The following CACNA2D3 variants were observed in gnomAD, a reference collection of about 807,000 sequenced individuals.
CACNA2D3 encodes the protein calcium voltage-gated channel auxiliary subunit alpha2delta 3.
In CACNA2D3, 60 loss-of-function variants were observed where a neutral mutation model predicts 160.6. The ratio of observed to expected loss-of-function variants is 0.37; its 90% CI spans 0.30 to 0.46. The LOEUF is 0.46. CACNA2D3 is among the 20% of genes least tolerant of loss of function. The pLI is 1.00. For missense variants in CACNA2D3, 1,205 were observed against 1,365.0 expected (o/e 0.88, Z 1.85); for synonymous variants, 558 against 492.9 (o/e 1.13, Z -1.75).
At chr3:54,171,158 T>TTTTTTTTTTTTTA (rs1553743546) in intron 2 of CACNA2D3, among the ~76,000 whole-genome samples, 1 of 140,676 alleles carries the variant, frequency 7.1e-6, no homozygotes, top group Admixed American at 6.9e-5. Flanking sequence ...TTTTTTTTTT[T>TTTTTTTTTTTTTA]AGGAATAGCT....
At chr3:54,321,935 A>AAC (rs1553622174) in intron 3 of CACNA2D3, among the ~76,000 whole-genome samples, 1 of 152,072 alleles carries the variant, frequency 6.6e-6, no homozygotes, top group African/African-American at 2.4e-5. Flanking sequence ...AAAAAAAAAA[A>AAC]AAAAAAACTA....
intron 16 of CACNA2D3, among the ~76,000 whole-genome samples, chr3:54,843,905 G>C (rs1343030522): frequency 6.6e-6 from 1 of 152,178 alleles, no homozygotes; most frequent in African/African-American, 2.4e-5. Flanking sequence ...AGCTTTAGAA[G>C]AACTCCACTG....
chr3:54,607,657 C>A (rs957551629), intron 9 of CACNA2D3, among the ~76,000 whole-genome samples: 5 of 152,164 alleles, frequency 3.3e-5, no homozygotes, highest in African/African-American at 7.2e-5. Context: ...AACAGTTTGG[C>A]AATTTTCTCA....
intron 8 of CACNA2D3, among the ~76,000 whole-genome samples, chr3:54,570,729 G>T (rs1702482606): frequency 6.6e-6 from 1 of 152,126 alleles, no homozygotes; most frequent in African/African-American, 2.4e-5. Flanking sequence ...TGCTGAGATT[G>T]GAAGAGTGTC....
intron 4 of CACNA2D3, among the ~76,000 whole-genome samples, chr3:54,477,666 T>A (rs1431523894): frequency 6.6e-6 from 1 of 152,176 alleles, no homozygotes; most frequent in African/African-American, 2.4e-5. Flanking sequence ...CATGATCTCC[T>A]CCCTGAATCT....
chr3:54,969,703 A>G, intron 28 of CACNA2D3, 97 bp from the exon 29 acceptor site: 2 of 914,482 alleles, frequency 2.2e-6, no homozygotes, highest in East Asian at 2.5e-5. Context: ...CATGACTTGG[A>G]TAGCTTGTCC....
At chr3:54,739,146 C>T (rs1168450368) in intron 11 of CACNA2D3, among the ~76,000 whole-genome samples, 1 of 151,486 alleles carries the variant, frequency 6.6e-6, no homozygotes, top group Non-Finnish European at 1.5e-5. Flanking sequence ...AAAGACTTGG[C>T]AGAGAAGAAG....
intron 11 of CACNA2D3, among the ~76,000 whole-genome samples, chr3:54,696,470 G>C (rs145859223): frequency 6.6e-6 from 1 of 152,146 alleles, no homozygotes; most frequent in East Asian, 1.9e-4. Flanking sequence ...CACTTTGTTT[G>C]CTTTTCCTTG....
chr3:54,233,220 G>C (rs1701808688), intron 2 of CACNA2D3, among the ~76,000 whole-genome samples: 1 of 152,172 alleles, frequency 6.6e-6, no homozygotes, highest in South Asian at 2.1e-4. Flanking sequence ...TATCAATTCT[G>C]TGCTAACAGG....
intron 5 of CACNA2D3, among the ~76,000 whole-genome samples, chr3:54,528,330 A>C (rs1164595973): frequency 6.6e-6 from 1 of 152,200 alleles, no homozygotes; most frequent in African/African-American, 2.4e-5. Context: ...GGATTAAGTG[A>C]GTTAACAACA....
At chr3:54,815,464 C>G (rs1259898913) in intron 13 of CACNA2D3, among the ~76,000 whole-genome samples, 2 of 152,094 alleles carry the variant, frequency 1.3e-5, no homozygotes, top group African/African-American at 4.8e-5. Context: ...AGCATTCTTC[C>G]CAGAGTAAAA....
At chr3:54,977,074 C>A (rs973359283) in intron 29 of CACNA2D3, among the ~76,000 whole-genome samples, 2 of 151,978 alleles carry the variant, frequency 1.3e-5, no homozygotes, top group African/African-American at 4.8e-5. Context: ...TCCAAAGAAA[C>A]AAATGGGGTA....
chr3:54,415,734 A>C (rs1041408300), intron 4 of CACNA2D3, among the ~76,000 whole-genome samples: 4 of 152,150 alleles, frequency 2.6e-5, no homozygotes, highest in Non-Finnish European at 4.4e-5. Context: ...TGTTTTACAT[A>C]TGGAGAAACT....
At chr3:54,326,962 G>A (rs1704132623) in intron 3 of CACNA2D3, among the ~76,000 whole-genome samples, 1 of 151,872 alleles carries the variant, frequency 6.6e-6, no homozygotes, top group African/African-American at 2.4e-5. Context: ...TGGTAAACTG[G>A]GTCGCTTGCA....
At chr3:54,696,256 G>A (rs1318978694) in intron 11 of CACNA2D3, among the ~76,000 whole-genome samples, 1 of 152,190 alleles carries the variant, frequency 6.6e-6, no homozygotes, top group Non-Finnish European at 1.5e-5. Context: ...AGGGCTCCCT[G>A]CAGCCTTCAC....
At chr3:54,544,254 A>G (rs1702026821) in intron 5 of CACNA2D3, among the ~76,000 whole-genome samples, 1 of 152,202 alleles carries the variant, frequency 6.6e-6, no homozygotes, top group South Asian at 2.1e-4. Flanking sequence ...TATCTGTTTC[A>G]AGTGACATGT....
At chr3:55,004,644 G>A (rs1575431457) in intron 31 of CACNA2D3, 119 bp from the exon 32 acceptor site, 3 of 670,412 alleles carry the variant, frequency 4.5e-6, no homozygotes, top group East Asian at 5.4e-5. Context: ...TGTTAGGGCT[G>A]CATGGTGTTT....
In CACNA2D3 at chr3:54,682,435, G is replaced by C. The variant is rs544500538; in HGVS notation, c.1167+40194G>C. Among the ~76,000 whole-genome samples the C allele has an allele frequency of 5.9e-5, 9 of 152,140 alleles. No individual in the cohort carries two copies. The South Asian group carries it at 1.7e-3, about 28-fold the overall frequency. ...TGAGCCAGGAGTTTGAGACCAGCCTGGCCAACATGACGAAACCCTGTCTCT... is the reference window on the plus strand; with the variant it reads ...TGAGCCAGGAGTTTGAGACCAGCCTCGCCAACATGACGAAACCCTGTCTCT... On this transcript the variant is annotated intron_variant, in intron 11 of 37. Coordinates refer to ENST00000474759, the MANE Select transcript of CACNA2D3 (RefSeq NM_018398.3).
intron 2 of CACNA2D3, among the ~76,000 whole-genome samples, chr3:54,219,780 T>C (rs1374395875): frequency 6.6e-6 from 1 of 152,130 alleles, no homozygotes; most frequent in Non-Finnish European, 1.5e-5. Context: ...GTGTGGTGGA[T>C]TTAGTCCTGT....
Sources: gnomAD v4.1 joint callset for allele counts (sites outside exome capture counted in the v4.1 genomes callset) on GRCh38, gnomAD v4.1.1 for gene constraint, MANE v1.5 for transcripts, NCBI Gene and HGNC (gene_info 2026-07-23, HGNC 2026-07-21) for gene names.